Variants in LOC128092252 observed in about 807,000 individuals in gnomAD.
chr15:50,651,166 GAC>G, the LOC128092252 span, among the ~76,000 whole-genome samples: 2 of 152,072 alleles, frequency 1.3e-5, no homozygotes, highest in Admixed American at 6.6e-5. Flanking sequence ...CAGCCTGGGT[GAC>G]ACAGAGAGAC....
the LOC128092252 span, among the ~76,000 whole-genome samples, chr15:50,665,189 A>T: frequency 1.3e-5 from 2 of 152,212 alleles, no homozygotes; most frequent in East Asian, 3.9e-4. Flanking sequence ...ACCTGAGGCC[A>T]GGAGTTCGAG....
the LOC128092252 span, among the ~76,000 whole-genome samples, chr15:50,678,893 A>G: frequency 6.6e-6 from 1 of 152,176 alleles, no homozygotes; most frequent in African/African-American, 2.4e-5. Context: ...AATTTTTTTG[A>G]GACGAAGTCT....
the LOC128092252 span, among the ~76,000 whole-genome samples, chr15:50,653,321 T>C: frequency 6.6e-6 from 1 of 152,166 alleles, no homozygotes; most frequent in African/African-American, 2.4e-5. Context: ...CAAAACTGAA[T>C]GTCTGTTCAT....
At chr15:50,659,956 C>T in the LOC128092252 span, among the ~76,000 whole-genome samples, 1 of 152,158 alleles carries the variant, frequency 6.6e-6, no homozygotes, top group African/African-American at 2.4e-5. Context: ...TGAGCCACCA[C>T]ACCCGACCAA....
chr15:50,663,639 A>G, the LOC128092252 span, among the ~76,000 whole-genome samples: 2 of 152,164 alleles, frequency 1.3e-5, no homozygotes, highest in Admixed American at 1.3e-4. Flanking sequence ...AAACCTTAAG[A>G]GGGGCTGGTA....
the LOC128092252 span, among the ~76,000 whole-genome samples, chr15:50,664,647 A>G: frequency 6.6e-6 from 1 of 152,214 alleles, no homozygotes; most frequent in Non-Finnish European, 1.5e-5. Context: ...CATTTCCCTC[A>G]ATACTGAAAA....
the LOC128092252 span, among the ~76,000 whole-genome samples, chr15:50,664,308 C>CAA: frequency 0.22 from 12,879 of 58,572 alleles, 973 homozygotes; most frequent in Middle Eastern, 0.27. Context: ...GACTCCGTCT[C>CAA]AAAAAAAAAA....
chr15:50,672,590 A>C, the LOC128092252 span, among the ~76,000 whole-genome samples: 1 of 152,056 alleles, frequency 6.6e-6, no homozygotes, highest in African/African-American at 2.4e-5. Flanking sequence ...AAAGTTTAAA[A>C]AGTAAAATAA....
chr15:50,656,305 G>T, the LOC128092252 span, among the ~76,000 whole-genome samples: 3 of 149,850 alleles, frequency 2.0e-5, no homozygotes, highest in Non-Finnish European at 3.0e-5. Flanking sequence ...CTTTTTGTTT[G>T]TTTTTTTTTC....
At chr15:50,683,401 TC>T in the LOC128092252 span, among the ~76,000 whole-genome samples, 3 of 151,346 alleles carry the variant, frequency 2.0e-5, no homozygotes, top group African/African-American at 7.3e-5. Context: ...AGATCAGGCA[TC>T]AGACAACACG....
At chr15:50,656,518 T>G in the LOC128092252 span, among the ~76,000 whole-genome samples, 1 of 149,608 alleles carries the variant, frequency 6.7e-6, no homozygotes, top group Admixed American at 6.7e-5. Flanking sequence ...TTTTTTTTGG[T>G]AGACACAGGG....
chr15:50,685,746 T>TA, the LOC128092252 span, among the ~76,000 whole-genome samples: 1 of 152,084 alleles, frequency 6.6e-6, no homozygotes, highest in East Asian at 1.9e-4. Context: ...TATCCAAAAA[T>TA]AAAAAGCTCT....
the LOC128092252 span, among the ~76,000 whole-genome samples, chr15:50,679,538 A>ATATTTTTT: frequency 1.8e-4 from 8 of 43,898 alleles, 1 homozygote; most frequent in African/African-American, 8.6e-4. Flanking sequence ...ATATATATAT[A>ATATTTTTT]TTTTTTTTTT....
At chr15:50,656,749 C>T in the LOC128092252 span, among the ~76,000 whole-genome samples, 1 of 152,128 alleles carries the variant, frequency 6.6e-6, no homozygotes, top group South Asian at 2.1e-4. Flanking sequence ...GAGACCTTCT[C>T]TTCTTCCTCT....
the LOC128092252 span, among the ~76,000 whole-genome samples, chr15:50,656,201 A>G: frequency 6.6e-6 from 1 of 152,204 alleles, no homozygotes; most frequent in African/African-American, 2.4e-5. Context: ...ATCGTCAAAC[A>G]AGAGACACCA....
the LOC128092252 span, among the ~76,000 whole-genome samples, chr15:50,674,145 C>T: frequency 0.03 from 4,544 of 152,186 alleles, 244 homozygotes; most frequent in African/African-American, 0.1. Context: ...CCTGCCACCA[C>T]GCCCAGCTAA....
the LOC128092252 span, among the ~76,000 whole-genome samples, chr15:50,677,595 C>T: frequency 6.6e-6 from 1 of 151,516 alleles, no homozygotes; most frequent in Non-Finnish European, 1.5e-5. Flanking sequence ...AAAAATTAGC[C>T]GGGTGTGGTG....
the LOC128092252 span, among the ~76,000 whole-genome samples, chr15:50,681,233 C>T: frequency 7.0e-6 from 1 of 143,628 alleles, no homozygotes; most frequent in Non-Finnish European, 1.5e-5. Context: ...CCTGGATGAC[C>T]GAGCAAGACT....
chr15:50,654,263 T>C, the LOC128092252 span, among the ~76,000 whole-genome samples: 11 of 148,936 alleles, frequency 7.4e-5, 1 homozygote, highest in Non-Finnish European at 1.2e-4. Context: ...CTGGCCAACA[T>C]AGTGAAACCC....
Sources: allele counts gnomAD v4.1 joint callset (sites outside exome capture counted in the v4.1 genomes callset), GRCh38; gene constraint gnomAD v4.1.1; transcripts MANE v1.5.